Variants in CHD1L observed in about 807,000 individuals in gnomAD.
CHD1L encodes ATP-dependent chromatin remodeler CHD1L.
CHD1L carries 118 observed loss-of-function variants against 115.9 expected under a neutral mutation model. The observed-to-expected ratio is 1.02, with a 90% confidence interval of 0.88 to 1.19. The LOEUF (loss-of-function observed/expected upper bound fraction) is 1.19, where lower values mean the gene tolerates loss of function less well. Ranked by LOEUF, CHD1L falls within the 50% of genes most tolerant of loss-of-function variation. The pLI is 0.00. For missense variants in CHD1L, 1,179 were observed against 1,065.3 expected, an observed-to-expected ratio of 1.11 and a Z score of -1.49; for synonymous variants, 411 against 387.1, an observed-to-expected ratio of 1.06 and a Z score of -0.72.
the CHD1L span, among the ~76,000 whole-genome samples, chr1:147,226,190 T>C: frequency 1.8e-3 from 278 of 151,834 alleles, 1 homozygote; most frequent in Non-Finnish European, 1.1e-3. Context: ...GCAGCAGTAG[T>C]AGCAGTGGTC....
chr1:147,253,408 ATTTAAAAAGAAAAT>A (rs1559744412), intron 2 of CHD1L, among the ~76,000 whole-genome samples: 1 of 152,244 alleles, frequency 6.6e-6, no homozygotes, highest in Non-Finnish European at 1.5e-5. Flanking sequence ...GCCATAGATA[ATTTAAAAAGAAAAT>A]TATTTCTGTT....
chr1:147,267,323 T>C, intron 8 of CHD1L, 103 bp from the exon 9 acceptor site: 1 of 739,214 alleles, frequency 1.4e-6, no homozygotes, highest in Middle Eastern at 2.4e-4. Context: ...TCAAAGGATA[T>C]AATTGAAATG....
chr1:147,281,876 A>G (rs1160036790), intron 15 of CHD1L, among the ~76,000 whole-genome samples: 1 of 152,200 alleles, frequency 6.6e-6, no homozygotes, highest in African/African-American at 2.4e-5. Flanking sequence ...CTTGAAGCAC[A>G]TGTACATTGT....
the CHD1L span, chr1:147,204,413 CAT>C: frequency 8.7e-7 from 1 of 1,150,828 alleles, no homozygotes; most frequent in South Asian, 1.2e-5. Context: ...ACTTCATTAC[CAT>C]ATTGTTTACA....
intron 22 of CHD1L, 62 bp downstream of exon 22, chr1:147,294,579 T>C: frequency 7.4e-7 from 1 of 1,349,822 alleles, no homozygotes; most frequent in Non-Finnish European, 1.0e-6. Flanking sequence ...GTGTTCATTT[T>C]CTGGTGTCAG....
At chr1:147,181,131 C>T in the CHD1L span, among the ~76,000 whole-genome samples, 1 of 152,170 alleles carries the variant, frequency 6.6e-6, no homozygotes, top group African/African-American at 2.4e-5. Context: ...GTCTCTCATA[C>T]AGAATTCCAA....
chr1:147,267,974 T>C (rs1674613361), intron 9 of CHD1L, among the ~76,000 whole-genome samples: 1 of 152,330 alleles, frequency 6.6e-6, no homozygotes, highest in African/African-American at 2.4e-5. Context: ...CCAGGTTCAC[T>C]AATGATCTCC....
chr1:147,193,159 A>G, the CHD1L span, among the ~76,000 whole-genome samples: 58 of 152,174 alleles, frequency 3.8e-4, no homozygotes, highest in African/African-American at 1.0e-3. Context: ...TTGGTTGGTA[A>G]GCTATTGATT....
At chr1:147,213,607 A>G in the CHD1L span, 2 of 698,760 alleles carry the variant, frequency 2.9e-6, no homozygotes, top group Non-Finnish European at 4.4e-6. Context: ...ATACTCCACA[A>G]ATAAGAACTG....
At chr1:147,215,776 A>C in the CHD1L span, 1 of 1,607,164 alleles carries the variant, frequency 6.2e-7, no homozygotes, top group Non-Finnish European at 8.5e-7. Flanking sequence ...ATACTTTAGA[A>C]GGTCAAATTC....
the CHD1L span, chr1:147,179,769 T>A: frequency 3.9e-5 from 24 of 618,686 alleles, no homozygotes; most frequent in African/African-American, 4.4e-4. Context: ...CCTGTTAAAT[T>A]TTCTCTAAGC....
chr1:147,197,299 T>C, the CHD1L span, among the ~76,000 whole-genome samples: 1 of 152,190 alleles, frequency 6.6e-6, no homozygotes. Context: ...TGGGTACTTA[T>C]TGCCCACTGC....
chr1:147,178,710 C>T, the CHD1L span: 219 of 1,576,048 alleles, frequency 1.4e-4, no homozygotes, highest in East Asian at 3.8e-3. Flanking sequence ...ATGATGATAA[C>T]GGAGATGGTA....
At chr1:147,178,525 CCT>C in the CHD1L span, 1 of 1,611,444 alleles carries the variant, frequency 6.2e-7, no homozygotes. Context: ...AGCTTCAGTG[CCT>C]CTCAGGACTG....
At chr1:147,231,804 A>T in the CHD1L span, among the ~76,000 whole-genome samples, 1 of 152,086 alleles carries the variant, frequency 6.6e-6, no homozygotes, top group Admixed American at 6.5e-5. Flanking sequence ...GGTGGGAGTG[A>T]CCCAATTTTC....
At chr1:147,196,340 A>T in the CHD1L span, among the ~76,000 whole-genome samples, 5 of 152,124 alleles carry the variant, frequency 3.3e-5, no homozygotes, top group African/African-American at 1.2e-4. Context: ...AAGCTTAATC[A>T]TAGGTCTCTT....
intron 1 of CHD1L, among the ~76,000 whole-genome samples, chr1:147,251,729 C>T (rs1373414495): frequency 1.3e-5 from 2 of 151,948 alleles, no homozygotes; most frequent in African/African-American, 4.8e-5. Context: ...CAGGTTTTCA[C>T]CATGTTGGCC....
intron 3 of CHD1L, among the ~76,000 whole-genome samples, chr1:147,255,385 A>G (rs1268687538): frequency 6.6e-6 from 1 of 151,994 alleles, no homozygotes; most frequent in South Asian, 2.1e-4. Flanking sequence ...GCGTCACCAC[A>G]CCTGGCTAAT....
intron 12 of CHD1L, among the ~76,000 whole-genome samples, chr1:147,273,461 T>G (rs1191719197): frequency 1.3e-5 from 2 of 152,126 alleles, no homozygotes; most frequent in Admixed American, 1.3e-4. Context: ...GTTTGTTTTA[T>G]CTCCCTAATA....
Sources: gnomAD v4.1 joint callset for allele counts (sites outside exome capture counted in the v4.1 genomes callset) on GRCh38, gnomAD v4.1.1 for gene constraint, MANE v1.5 for transcripts, NCBI Gene and HGNC (gene_info 2026-07-23, HGNC 2026-07-21) for gene names.